The following MYPN variants were observed in gnomAD, a reference collection of about 807,000 sequenced individuals.
MYPN encodes the protein sarcomeric protein myopalladin, 145 kDa (MYOP).
Under a neutral mutation model 129.4 loss-of-function variants are expected in MYPN, and 63 were observed. That is an observed-to-expected ratio of 0.49 (90% CI 0.40 to 0.60). MYPN has a LOEUF of 0.60. Ranked by LOEUF, MYPN falls within the 20% of genes least tolerant of loss-of-function variation. MYPN has a pLI of 0.00. For missense variants in MYPN, 1,596 were observed against 1,635.4 expected, an observed-to-expected ratio of 0.98 and a Z score of 0.42; for synonymous variants, 629 against 600.9, an observed-to-expected ratio of 1.05 and a Z score of -0.68.
chr10:68,112,894 T>C (rs2042100878), intron 1 of MYPN, among the ~76,000 whole-genome samples: 1 of 152,140 alleles, frequency 6.6e-6, no homozygotes, highest in Admixed American at 6.6e-5. Context: ...CACCCAGATT[T>C]TAAAAAGGTG....
chr10:68,106,339 T>C (rs1191230589), upstream of MYPN, among the ~76,000 whole-genome samples: 1 of 152,126 alleles, frequency 6.6e-6, no homozygotes, highest in African/African-American at 2.4e-5. Context: ...TTCAGTAGTT[T>C]AGATGAAAAA....
At chr10:68,177,851 C>T (rs1455700807) in intron 12 of MYPN, among the ~76,000 whole-genome samples, 1 of 152,156 alleles carries the variant, frequency 6.6e-6, no homozygotes, top group African/African-American at 2.4e-5. Flanking sequence ...GCTTTGAAAA[C>T]TTTTAGGTCC....
chr10:68,194,257 G>C (rs751462095), intron 13 of MYPN, 106 bp from the exon 14 acceptor site: 353 of 1,179,946 alleles, frequency 3.0e-4, no homozygotes, highest in Non-Finnish European at 4.2e-4. Flanking sequence ...CATAAAGTAT[G>C]GTCACTTAAA....
chr10:68,133,607 C>T (rs2042443389), intron 2 of MYPN, among the ~76,000 whole-genome samples: 1 of 151,912 alleles, frequency 6.6e-6, no homozygotes. Flanking sequence ...AGGACTGTTG[C>T]AGCATAAGGA....
intron 7 of MYPN, among the ~76,000 whole-genome samples, chr10:68,158,862 T>G (rs1346283287): frequency 6.6e-6 from 1 of 152,090 alleles, no homozygotes; most frequent in East Asian, 1.9e-4. Flanking sequence ...TACTCAACAT[T>G]TAATGAACAC....
At chr10:68,149,290 C>T (rs377222089) in intron 5 of MYPN, among the ~76,000 whole-genome samples, 13 of 152,298 alleles carry the variant, frequency 8.5e-5, no homozygotes, top group African/African-American at 3.1e-4. Context: ...GCCTTCACTC[C>T]TCAGAGGTAC....
At chr10:68,189,338 T>G (rs2043473782) in intron 13 of MYPN, among the ~76,000 whole-genome samples, 2 of 152,338 alleles carry the variant, frequency 1.3e-5, no homozygotes, top group South Asian at 2.1e-4. Flanking sequence ...TATCCATCAC[T>G]CAAACATTTA....
chr10:68,206,648 C>T (rs1589619109), intron 18 of MYPN, 122 bp from the exon 19 acceptor site: 2 of 1,336,168 alleles, frequency 1.5e-6, no homozygotes, highest in African/African-American at 1.4e-5. Context: ...ACGTCTTCCA[C>T]CTTCAAATTT....
intron 12 of MYPN, among the ~76,000 whole-genome samples, chr10:68,187,963 C>G (rs1365261033): frequency 2.6e-5 from 4 of 152,096 alleles, no homozygotes. Flanking sequence ...AAAAAGAACA[C>G]AAGACTAATT....
chr10:68,161,888 T>A, intron 8 of MYPN, 136 bp downstream of exon 8: 1 of 673,330 alleles, frequency 1.5e-6, no homozygotes, highest in Non-Finnish European at 2.5e-6. Flanking sequence ...ATGGGCCGGG[T>A]GCAGTGGCTC....
chr10:68,131,652 T>G (rs1295756204), intron 2 of MYPN, among the ~76,000 whole-genome samples: 1 of 152,188 alleles, frequency 6.6e-6, no homozygotes, highest in East Asian at 1.9e-4. Flanking sequence ...TAGCAGGGAC[T>G]ACAGGTGTAA....
chr10:68,140,128 A>G (rs1164185460), intron 2 of MYPN, among the ~76,000 whole-genome samples: 1 of 152,088 alleles, frequency 6.6e-6, no homozygotes, highest in African/African-American at 2.4e-5. Flanking sequence ...CTGGGGGAGG[A>G]GGGTTTCAGG....
At chr10:68,188,311 T>C (rs1223900280) in intron 12 of MYPN, among the ~76,000 whole-genome samples, 3 of 152,090 alleles carry the variant, frequency 2.0e-5, no homozygotes, top group Non-Finnish European at 4.4e-5. Flanking sequence ...AGCTTTTCTG[T>C]GTTGGCCAGG....
chr10:68,143,440 C>T (rs1258841849), intron 3 of MYPN, among the ~76,000 whole-genome samples: 1 of 151,692 alleles, frequency 6.6e-6, no homozygotes, highest in Non-Finnish European at 1.5e-5. Context: ...GGGAATGAGC[C>T]ACAAGGTCGT....
At chr10:68,178,282 A>G (rs1270983275) in intron 12 of MYPN, among the ~76,000 whole-genome samples, 1 of 152,206 alleles carries the variant, frequency 6.6e-6, no homozygotes, top group Non-Finnish European at 1.5e-5. Flanking sequence ...GCCAAGAGAA[A>G]GGTTTCCTTA....
intron 14 of MYPN, among the ~76,000 whole-genome samples, chr10:68,195,075 CTA>C (rs1471945917): frequency 6.6e-6 from 1 of 152,194 alleles, no homozygotes; most frequent in East Asian, 1.9e-4. Context: ...AAGTACAGAA[CTA>C]TAACATCCAT....
chr10:68,107,105 G>A (rs1198991031), upstream of MYPN, among the ~76,000 whole-genome samples: 1 of 152,154 alleles, frequency 6.6e-6, no homozygotes, highest in Non-Finnish European at 1.5e-5. Context: ...AAGCAAGGCA[G>A]GAGCTGGGTT....
chr10:68,121,678 A>G lies in MYPN; in HGVS notation c.240A>G (p.Arg80=). 3 of 1,614,226 alleles carry G rather than the reference A, an allele frequency of 1.9e-6. No individual in the cohort carries two copies. Among genetic ancestry groups the G allele is most frequent in the Non-Finnish European group, 2.5e-6 (3 of 1,180,038 alleles). ...TAGACGAAAGTGTCAATTTGGCAAG[A>G]CTGGCCATCAATTACGACCCTTTGG... ...EELDESVNLA[R]LAINYDPLEK... The change falls in exon 2 of 20, where the codon AGA becomes AGG. Residue 80 remains arginine (R), a synonymous_variant. Coordinates refer to ENST00000358913, the MANE Select transcript of MYPN (RefSeq NM_032578.4).
At chr10:68,159,900 A>AAT (rs1452597912) in intron 7 of MYPN, among the ~76,000 whole-genome samples, 1 of 152,150 alleles carries the variant, frequency 6.6e-6, no homozygotes, top group Non-Finnish European at 1.5e-5. Flanking sequence ...GATGTTTTGA[A>AAT]ATATATATAC....
Sources: allele counts gnomAD v4.1 joint callset (sites outside exome capture counted in the v4.1 genomes callset), GRCh38; gene constraint gnomAD v4.1.1; transcripts MANE v1.5; gene names NCBI Gene and HGNC (gene_info 2026-07-23, HGNC 2026-07-21).